Variants in FBLN2 observed in about 807,000 individuals in gnomAD.
FBLN2 encodes the protein fibulin-2.
A neutral mutation model predicts 123.7 loss-of-function variants in FBLN2; 81 were observed. That is an observed-to-expected ratio of 0.65 (90% CI 0.55 to 0.79). The LOEUF (loss-of-function observed/expected upper bound fraction) is 0.79, where lower values mean the gene tolerates loss of function less well. Among genes scored for constraint, FBLN2 ranks in the 30% least tolerant of loss-of-function variants. The pLI is 0.00. For missense variants in FBLN2, 1,603 were observed against 1,681.3 expected (o/e 0.95, Z 0.81); for synonymous variants, 699 against 701.4 (o/e 1.00, Z 0.05).
chr3:13,637,935 C>A lies in FBLN2; in HGVS notation c.*16C>A, dbSNP rs914458932. ...TGCCCTGTGAGGTGCCAGCACGGGC[C>A]ACCTGCGGGTGTGGCGCAGCCCAGG... On this transcript the variant is annotated 3_prime_UTR_variant, in exon 18 of 18. Transcript: ENST00000404922. 6.4e-7 allele frequency: 1 copy of A among 1,559,462 alleles called. No individual in the cohort carries two copies. The highest frequency in any genetic ancestry group is 1.4e-5 in the African/African-American group (1 of 74,018).
intron 2 of FBLN2, among the ~76,000 whole-genome samples, chr3:13,589,061 G>A (rs1704591280): frequency 6.6e-6 from 1 of 152,116 alleles, no homozygotes; most frequent in East Asian, 1.9e-4. Flanking sequence ...TTCTGAGAAG[G>A]GACAGTGCAC....
intron 2 of FBLN2, among the ~76,000 whole-genome samples, chr3:13,594,801 A>G (rs1449003070): frequency 6.6e-6 from 1 of 152,156 alleles, no homozygotes; most frequent in African/African-American, 2.4e-5. Flanking sequence ...TCCAGACCCT[A>G]TGCAGGATGG....
chr3:13,602,975 A>T (rs1705084381), intron 2 of FBLN2, among the ~76,000 whole-genome samples: 1 of 145,158 alleles, frequency 6.9e-6, no homozygotes, highest in Non-Finnish European at 1.5e-5. Context: ...CAGTGGTGCG[A>T]TCTTGGCTCA....
At chr3:13,584,232 A>G (rs1242550519) in intron 2 of FBLN2, among the ~76,000 whole-genome samples, 1 of 152,240 alleles carries the variant, frequency 6.6e-6, no homozygotes, top group East Asian at 1.9e-4. Flanking sequence ...TAAAGCACCC[A>G]CAAAGTACAC....
chr3:13,588,369 C>T (rs772163462), intron 2 of FBLN2, among the ~76,000 whole-genome samples: 3 of 152,252 alleles, frequency 2.0e-5, no homozygotes, highest in Non-Finnish European at 4.4e-5. Context: ...ACGCATTTCT[C>T]AGAACGTGAC....
At chr3:13,580,020 T>G (rs1704271953) in intron 2 of FBLN2, among the ~76,000 whole-genome samples, 1 of 152,220 alleles carries the variant, frequency 6.6e-6, no homozygotes, top group Non-Finnish European at 1.5e-5. Flanking sequence ...CTCTTAAACT[T>G]TTATAAATGA....
At chr3:13,617,602 TCCATCCATCCATCCATCCAC>T (rs1705670011) in intron 5 of FBLN2, among the ~76,000 whole-genome samples, 3 of 141,284 alleles carry the variant, frequency 2.1e-5, no homozygotes, top group African/African-American at 5.4e-5. Flanking sequence ...CATCCATCCA[TCCATCCATCCATCCATCCAC>T]CCATCCACCC....
intron 2 of FBLN2, among the ~76,000 whole-genome samples, chr3:13,587,158 A>AAAT (rs1704536565): frequency 6.7e-6 from 1 of 148,428 alleles, no homozygotes. Context: ...AAAAAAAAAA[A>AAAT]AAATAAATAA....
intron 2 of FBLN2, among the ~76,000 whole-genome samples, chr3:13,587,546 A>G (rs1349688004): frequency 1.3e-5 from 2 of 152,206 alleles, no homozygotes; most frequent in African/African-American, 4.8e-5. Flanking sequence ...GCCCCCCGCC[A>G]CCAACCATCT....
chr3:13,612,989 C>A (rs1705456125), intron 4 of FBLN2, among the ~76,000 whole-genome samples: 1 of 152,120 alleles, frequency 6.6e-6, no homozygotes, highest in South Asian at 2.1e-4. Flanking sequence ...TGAGTGCTTG[C>A]TTATGTGGCT....
In FBLN2 at chr3:13,619,834, G is replaced by A. The variant is rs1279556267; in HGVS notation, c.2155+3G>A. ...GGCGGATGGCGTGTCCTGTGAAGGTGAGTGCCTTGGGGTGCCCTCCTACCT... is the reference window on the plus strand; with the variant it reads ...GGCGGATGGCGTGTCCTGTGAAGGTAAGTGCCTTGGGGTGCCCTCCTACCT... On this transcript the variant is annotated splice_donor_region_variant and intron_variant, in intron 8 of 17. Transcript: ENST00000404922. 9 of 1,609,032 alleles carry A rather than the reference G, an allele frequency of 5.6e-6. No individual in the cohort carries two copies.
chr3:13,565,191 G>A (rs1703709303), intron 1 of FBLN2, among the ~76,000 whole-genome samples: 1 of 152,226 alleles, frequency 6.6e-6, no homozygotes, highest in African/African-American at 2.4e-5. Flanking sequence ...GTAACCCCAG[G>A]TGTGAACCCT....
chr3:13,619,717 T>C lies in FBLN2; in HGVS notation c.2054-13T>C. On this transcript the variant is annotated splice_polypyrimidine_tract_variant and intron_variant, in intron 7 of 17. Transcript: ENST00000404922. ...GGCCTGGTGGTCTCTGATTTCTGTG[T>C]GGTTTCCTCCAGACAATGGACCCTG... is the stretch of plus-strand genomic sequence containing the variant. 6.2e-7 allele frequency: 1 copy of C among 1,611,140 alleles called. No individual in the cohort carries two copies. Among genetic ancestry groups the C allele is most frequent in the Non-Finnish European group, 8.5e-7 (1 of 1,177,874 alleles).
At chr3:13,574,748 G>A (rs990762277) in intron 2 of FBLN2, among the ~76,000 whole-genome samples, 3 of 152,142 alleles carry the variant, frequency 2.0e-5, no homozygotes, top group African/African-American at 7.2e-5. Context: ...TCCTCACCAA[G>A]GGCTGCTCCA....
chr3:13,582,096 T>C (rs912171911), intron 2 of FBLN2, among the ~76,000 whole-genome samples: 1 of 152,160 alleles, frequency 6.6e-6, no homozygotes, highest in Non-Finnish European at 1.5e-5. Context: ...AAGCCTGCAG[T>C]GGACACCAGG....
chr3:13,630,680 C>A lies in FBLN2; in HGVS notation c.2969-19C>A. 1.9e-6 allele frequency: 3 copies of A among 1,568,542 alleles called. No homozygotes were observed. Among genetic ancestry groups the A allele is most frequent in the Non-Finnish European group, 2.6e-6 (3 of 1,151,754 alleles). ...GCAGACTTGGGCCCTGCCATGACTG[C>A]CTGCTGGTGTCCCTGCAGACGTGAA... On this transcript the variant is annotated intron_variant, in intron 14 of 17. Coordinates refer to ENST00000404922, the MANE Select transcript of FBLN2 (RefSeq NM_001004019.2).
rs373949396 is a variant in FBLN2, at chr3:13,631,983, G to A, written c.3214+526G>A. Among the ~76,000 whole-genome samples the A allele has an allele frequency of 8.7e-4, 129 of 148,666 alleles. 1 individual carries two copies. Among genetic ancestry groups the A allele is most frequent in the Admixed American group, 2.5e-3 (37 of 15,040 alleles). ...TAGAGCTGGGAGGGGCTGCACAATG[G>A]GAGGGTCCCCCACTCCCCTGCTATT... On this transcript the variant is annotated intron_variant, in intron 16 of 17. Transcript: ENST00000404922.
At chr3:13,564,586 C>T (rs1703690586) in intron 1 of FBLN2, among the ~76,000 whole-genome samples, 2 of 152,192 alleles carry the variant, frequency 1.3e-5, no homozygotes, top group South Asian at 4.1e-4. Context: ...GATGCCTGTG[C>T]ACATCCCAGA....
intron 1 of FBLN2, among the ~76,000 whole-genome samples, chr3:13,556,627 AG>A (rs1559396914): frequency 6.6e-6 from 1 of 152,204 alleles, no homozygotes; most frequent in African/African-American, 2.4e-5. Context: ...ACCCCAAGGC[AG>A]GGTGTGGTGG....
Sources: allele counts gnomAD v4.1 joint callset (sites outside exome capture counted in the v4.1 genomes callset), GRCh38; gene constraint gnomAD v4.1.1; transcripts MANE v1.5; gene names NCBI Gene and HGNC (gene_info 2026-07-23, HGNC 2026-07-21).